The following PPP6R1 variants were observed in gnomAD, a reference collection of about 807,000 sequenced individuals.
PPP6R1 encodes protein phosphatase 6 regulatory subunit 1.
Under a neutral mutation model 104.6 loss-of-function variants are expected in PPP6R1, and 39 were observed. That is an observed-to-expected ratio of 0.37 (90% CI 0.29 to 0.49). The LOEUF (loss-of-function observed/expected upper bound fraction) is 0.49, where lower values mean the gene tolerates loss of function less well. Ranked by LOEUF, PPP6R1 falls within the 20% of genes least tolerant of loss-of-function variation. The probability of loss-of-function intolerance (pLI) is 0.98; values close to 1 mark genes in which losing one functional copy is unlikely to be tolerated. For synonymous variants in PPP6R1, 549 were observed against 479.0 expected (o/e 1.15, Z -1.91); for missense variants, 1,181 against 1,155.8 (o/e 1.02, Z -0.32).
At chr19:55,247,232 C>T in intron 1 of PPP6R1, 123 bp from the exon 2 acceptor site, 1 of 1,019,282 alleles carries the variant, frequency 9.8e-7, no homozygotes, top group Non-Finnish European at 1.5e-6. Context: ...TCCCAGCCCT[C>T]TGCCTCATGC....
At chr19:55,246,718 G>A (rs1825639952) in intron 2 of PPP6R1, among the ~76,000 whole-genome samples, 159 bp downstream of exon 2, 1 of 152,226 alleles carries the variant, frequency 6.6e-6, no homozygotes, top group Admixed American at 6.5e-5. Context: ...TGAGCTGTGA[G>A]GCCTTGTGCA....
intron 7 of PPP6R1, 31 bp downstream of exon 7, chr19:55,242,135 G>T: frequency 6.3e-7 from 1 of 1,589,332 alleles, no homozygotes. Flanking sequence ...GGGATGGGCA[G>T]CATGCATGGT....
rs4439884 is a variant in PPP6R1 at position 55,258,049 on chromosome 19, G to A, written c.-7+386C>T. Among the ~76,000 whole-genome samples the A allele has an allele frequency of 9.2e-3, 1,399 of 152,360 alleles. 29 individuals are homozygous for A. Among genetic ancestry groups the A allele is most frequent in the African/African-American group, 0.032 (1,318 of 41,586 alleles). ...GCGGGGCAGAGATCGGGGCGAGAGG[G>A]AAGGGTGTAAGCAGGCAAAGTCCAG... On this transcript the variant is annotated intron_variant, in intron 1 of 23. Coordinates refer to ENST00000412770, the MANE Select transcript of PPP6R1 (RefSeq NM_014931.4).
downstream of PPP6R1, chr19:55,228,515 C>A: frequency 6.4e-7 from 1 of 1,573,078 alleles, no homozygotes; most frequent in South Asian, 1.2e-5. Flanking sequence ...TGGCTCCTGT[C>A]CCACCCCCAC....
downstream of PPP6R1, chr19:55,229,117 C>T: frequency 4.5e-6 from 1 of 224,272 alleles, no homozygotes; most frequent in South Asian, 7.5e-5. Context: ...GGCAGGAGTG[C>T]CCCTGGAGGG....
rs1327652627 is a variant in PPP6R1 at position 55,236,623 on chromosome 19, G to T, written c.1988+20C>A. 2.0e-6 allele frequency: 3 copies of T among 1,506,852 alleles called. No homozygotes were observed. Among genetic ancestry groups the T allele is most frequent in the Admixed American group, 2.3e-5 (1 of 42,698 alleles). The allele number at this position is 1,506,852 out of a possible 1,614,324, so 93.3% of individuals were successfully genotyped here. A position where few individuals can be genotyped will look rare whatever the true frequency, so the allele number is the denominator to read the frequency against. On this transcript the variant is annotated intron_variant, in intron 17 of 23. Coordinates refer to ENST00000412770, the MANE Select transcript of PPP6R1 (RefSeq NM_014931.4). ...CCGTGTGGTGGAAGCTTGGAGAAGG[G>T]AAACTGGAGGGGGACTCACCGGACA...
rs759795151 is a variant in PPP6R1, at chr19:55,245,417, G to A, written c.415-15C>T. 12 of 1,613,194 alleles carry A rather than the reference G, an allele frequency of 7.4e-6. No individual in the cohort carries two copies. In the South Asian group the frequency reaches 1.2e-4, roughly 16 times the overall value. Reference sequence around the variant, plus strand: ...AAGGACACGAGCTGGGGGCACACGGGCTGCGTCATGCACAGGGCCTGGCCC... The same window carrying A: ...AAGGACACGAGCTGGGGGCACACGGACTGCGTCATGCACAGGGCCTGGCCC... On this transcript the variant is annotated splice_polypyrimidine_tract_variant and intron_variant, in intron 3 of 23. Coordinates refer to ENST00000412770, the MANE Select transcript of PPP6R1 (RefSeq NM_014931.4). This position sits in a 1 kb window ranked among gnomAD's most constrained non-coding sequence, Gnocchi z 6.4.
Position 55,236,026 on chromosome 19 carries a change from C to T in PPP6R1, c.1988+617G>A, listed in dbSNP as rs574699510. ...GGTAATTTTTGTAGAGACAGGGTTT[C>T]GCTATGTTGCCCAGGCTAGGTCTCA... On this transcript the variant is annotated intron_variant, in intron 17 of 23. Coordinates refer to ENST00000412770, the MANE Select transcript of PPP6R1 (RefSeq NM_014931.4). 1.9e-4 allele frequency among the ~76,000 whole-genome samples: 29 copies of T among 151,712 alleles called. No individual in the cohort carries two copies. The East Asian group carries it at 4.3e-3, about 22-fold the overall frequency.
At chr19:55,257,745 C>T (rs943576224) in intron 1 of PPP6R1, among the ~76,000 whole-genome samples, 1 of 152,238 alleles carries the variant, frequency 6.6e-6, no homozygotes, top group Non-Finnish European at 1.5e-5. Flanking sequence ...CTGTCCGGCT[C>T]TGCCTTTGTA....
chr19:55,240,916 A>T, intron 10 of PPP6R1, 29 bp downstream of exon 10: 1 of 1,599,586 alleles, frequency 6.3e-7, no homozygotes, highest in Non-Finnish European at 8.5e-7. Context: ...TGGGCCCAGA[A>T]GGAGGGGGAC....
In PPP6R1 at chr19:55,239,455, G is replaced by T; in HGVS notation, c.1701C>A (p.Asp567Glu). The change falls in exon 15 of 24, where the codon GAC becomes GAA. Residue 567 changes from aspartate to glutamate, a missense_variant. This residue lies in a region of PPP6R1 where 1,042 missense variants were observed against 955.6 expected (regional missense o/e 1.09). Coordinates refer to ENST00000412770, the MANE Select transcript of PPP6R1 (RefSeq NM_014931.4). The part of the protein sequence containing the change: ...QMQRMTSAFI[D>E]HFGFNDEEFG... ...ACTCCTCATCATTGAAGCCGAAGTG[G>T]TCAATGAAGGCAGAGGTCATGCGCT... The T allele has an allele frequency of 6.2e-7, 1 of 1,614,014 alleles. No homozygotes were observed. The highest frequency in any genetic ancestry group is 8.5e-7 in the Non-Finnish European group (1 of 1,179,898).
intron 18 of PPP6R1, 44 bp downstream of exon 18, chr19:55,232,031 C>A (rs1440225660): frequency 6.2e-7 from 1 of 1,610,402 alleles, no homozygotes; most frequent in Non-Finnish European, 8.5e-7. Flanking sequence ...CAGTAGCAGG[C>A]AGACAGCCCT....
At position 55,252,590 on chromosome 19, in the gene PPP6R1, CG is replaced by C. The variant is rs1222069858; in HGVS notation, c.-6-5482del. ...TTTGTGTGTGTTTTTTTAGTAAAGA[CG>C]GGGTTTCACCATATTGGCCAGGCTG... On this transcript the variant is annotated intron_variant, in intron 1 of 23. Coordinates refer to ENST00000412770, the MANE Select transcript of PPP6R1 (RefSeq NM_014931.4). Among the ~76,000 whole-genome samples, 7 of 152,114 alleles carry C rather than the reference CG, an allele frequency of 4.6e-5. No homozygotes were observed. The East Asian group carries it at 1.4e-3, about 29-fold the overall frequency.
At chr19:55,228,237 C>T (rs4606850), downstream of PPP6R1, 304,113 of 1,611,390 alleles carry the variant, frequency 0.19, 29,206 homozygotes, top group Middle Eastern at 0.25. Context: ...CCCCCACAGC[C>T]GAGCACACAA....
chr19:55,241,726 G>T lies in PPP6R1; in HGVS notation c.846-87C>A. The T allele has an allele frequency of 1.4e-6, 2 of 1,413,602 alleles. No homozygotes were observed. Among genetic ancestry groups the T allele is most frequent in the Non-Finnish European group, 1.9e-6 (2 of 1,063,904 alleles). 87.6% of individuals were successfully genotyped at this position (1,413,602 alleles called of 1,614,324 possible). A position where few individuals can be genotyped will look rare whatever the true frequency, so the allele number is the denominator to read the frequency against. ...TAGGCACAAGGACCACGTCTGCAGG[G>T]TCTGGAGGAAAACGAGGAGCCACAT... On this transcript the variant is annotated intron_variant, in intron 7 of 23. Coordinates refer to ENST00000412770, the MANE Select transcript of PPP6R1 (RefSeq NM_014931.4). The surrounding 1 kb of genome is among the most constrained non-coding windows in gnomAD (Gnocchi z 5.4).
At position 55,245,764 on chromosome 19, in the gene PPP6R1, G is replaced by T; in HGVS notation, c.228-86C>A. The T allele has an allele frequency of 8.7e-7, 1 of 1,149,602 alleles. No homozygotes were observed. The highest frequency in any genetic ancestry group is 1.4e-5 in the South Asian group (1 of 69,758). 71.2% of individuals were successfully genotyped at this position (1,149,602 alleles called of 1,614,324 possible). A position where few individuals can be genotyped will look rare whatever the true frequency, so the allele number is the denominator to read the frequency against. On this transcript the variant is annotated intron_variant, in intron 2 of 23. Transcript: ENST00000412770. The surrounding 1 kb of genome is among the most constrained non-coding windows in gnomAD (Gnocchi z 6.4). ...AGGCTCCACCCTCTTCTCTGCACCG[G>T]GCACTGGGTTTCTGGGAACTGCAGA...
intron 17 of PPP6R1, chr19:55,233,294 G>A (rs1278282848): frequency 6.6e-6 from 1 of 152,132 alleles, no homozygotes; most frequent in African/African-American, 2.4e-5. Flanking sequence ...GGAGTATAAA[G>A]GAAGCCCCTC....
intron 5 of PPP6R1, among the ~76,000 whole-genome samples, chr19:55,244,568 G>A (rs767479550): frequency 1.3e-5 from 2 of 152,234 alleles, no homozygotes; most frequent in East Asian, 1.9e-4. Context: ...GACAGGCGAT[G>A]AGGAGGGCCC....
chr19:55,253,764 G>A (rs962821773), intron 1 of PPP6R1, among the ~76,000 whole-genome samples: 1 of 152,190 alleles, frequency 6.6e-6, no homozygotes, highest in Non-Finnish European at 1.5e-5. Context: ...ATGGCCTGAA[G>A]CCCTCTCAGT....
Sources: allele counts gnomAD v4.1 joint callset (sites outside exome capture counted in the v4.1 genomes callset), GRCh38; gene constraint gnomAD v4.1.1; regional missense constraint gnomAD v4.1.1; non-coding constraint Gnocchi (gnomAD v3.1); transcripts MANE v1.5; gene names NCBI Gene and HGNC (gene_info 2026-07-23, HGNC 2026-07-21).